Variants in CUL2 observed in about 807,000 individuals in gnomAD.
CUL2 encodes cullin 2.
In CUL2, 22 loss-of-function variants were observed where a neutral mutation model predicts 110.2. That is an observed-to-expected ratio of 0.20 (90% CI 0.14 to 0.28). The LOEUF (loss-of-function observed/expected upper bound fraction) is 0.28. Among genes scored for constraint, CUL2 ranks in the 10% least tolerant of loss-of-function variants. The probability of loss-of-function intolerance (pLI) is 1.00; values close to 1 mark genes in which losing one functional copy is unlikely to be tolerated. For synonymous variants in CUL2, 279 were observed against 293.2 expected (o/e 0.95, Z 0.49); for missense variants, 631 against 905.5 (o/e 0.70, Z 3.89).
chr10:35,088,259 C>T (rs982001737), intron 1 of CUL2, among the ~76,000 whole-genome samples: 5 of 152,020 alleles, frequency 3.3e-5, no homozygotes, highest in African/African-American at 4.8e-5. Flanking sequence ...CCTATAATCC[C>T]AGCACTCTGG....
intron 8 of CUL2, among the ~76,000 whole-genome samples, chr10:35,039,586 T>TGGACATGG (rs2085724952): frequency 6.6e-6 from 1 of 152,244 alleles, no homozygotes; most frequent in Admixed American, 6.5e-5. Context: ...AAGTAGGGGC[T>TGGACATGG]GGACATGGTG....
At chr10:35,105,299 G>C (rs1459086751) in intron 1 of CUL2, among the ~76,000 whole-genome samples, 2 of 151,840 alleles carry the variant, frequency 1.3e-5, no homozygotes, top group Non-Finnish European at 2.9e-5. Flanking sequence ...GGTGGCCGGC[G>C]CCTGTAGTCC....
intron 1 of CUL2, among the ~76,000 whole-genome samples, chr10:35,074,717 G>A (rs1276942986): frequency 6.6e-6 from 1 of 152,122 alleles, no homozygotes; most frequent in Non-Finnish European, 1.5e-5. Context: ...AACTCCTGAG[G>A]CTCAAGTGAT....
At chr10:35,055,666 G>A (rs149143059) in intron 4 of CUL2, among the ~76,000 whole-genome samples, 1 of 152,280 alleles carries the variant, frequency 6.6e-6, no homozygotes, top group African/African-American at 2.4e-5. Flanking sequence ...CAAGGCTCTA[G>A]ACTCCATGGC....
chr10:35,069,169 T>G (rs2086616486), intron 2 of CUL2, among the ~76,000 whole-genome samples: 2 of 152,094 alleles, frequency 1.3e-5, no homozygotes, highest in African/African-American at 4.8e-5. Context: ...GCCCGGCCTG[T>G]ACTCTTTAAT....
At chr10:35,060,726 T>C in intron 4 of CUL2, 148 bp downstream of exon 4, 1 of 643,034 alleles carries the variant, frequency 1.6e-6, no homozygotes. Flanking sequence ...CTATAGACCT[T>C]TCCCCACAGC....
At chr10:35,096,991 G>C (rs181447892) in intron 2 of CUL2, among the ~76,000 whole-genome samples, 2 of 151,834 alleles carry the variant, frequency 1.3e-5, no homozygotes, top group African/African-American at 4.8e-5. Flanking sequence ...TGTATTTTTC[G>C]TAGAGACGGG....
chr10:35,033,141 T>C (rs781467948), intron 11 of CUL2, 25 bp downstream of exon 11: 22 of 1,404,400 alleles, frequency 1.6e-5, no homozygotes, highest in Admixed American at 5.2e-5. Context: ...TGTACATATA[T>C]AGTATATATG....
In CUL2 at chr10:35,010,347, G is replaced by A; in HGVS notation, c.2202C>T (p.Ser734=). ...VLIDKQYIER[S]QASADEYSYV... ...AGCTGTATTCATCTGCCGACGCCTG[G>A]CTGCGTTCTATGTATTGTTTGTCTA... Residue 734 remains serine (S), a synonymous_variant, in exon 21 of 21, where the codon AGC becomes AGT. Coordinates refer to ENST00000374749, the MANE Select transcript of CUL2 (RefSeq NM_003591.4). The A allele has an allele frequency of 6.2e-7, 1 of 1,609,582 alleles. No individual in the cohort carries two copies. The highest frequency in any genetic ancestry group is 1.3e-5 in the African/African-American group (1 of 74,686).
intron 4 of CUL2, among the ~76,000 whole-genome samples, chr10:35,057,877 C>A (rs955562372): frequency 2.0e-5 from 3 of 151,418 alleles, no homozygotes; most frequent in Non-Finnish European, 4.4e-5. Flanking sequence ...GTGGATCACT[C>A]GAGGTCAGGA....
intron 1 of CUL2, among the ~76,000 whole-genome samples, chr10:35,087,590 G>T (rs562869572): frequency 1.3e-5 from 2 of 152,194 alleles, no homozygotes; most frequent in African/African-American, 4.8e-5. Context: ...ACAACAGCCT[G>T]CTTCCCCCAA....
chr10:35,066,929 C>T (rs2086543721), intron 2 of CUL2, among the ~76,000 whole-genome samples: 1 of 151,984 alleles, frequency 6.6e-6, no homozygotes, highest in South Asian at 2.1e-4. Flanking sequence ...CAGGTACTTG[C>T]CTCAATATTT....
chr10:35,010,594 T>C, intron 20 of CUL2, 152 bp from the exon 21 acceptor site: 1 of 569,042 alleles, frequency 1.8e-6, no homozygotes, highest in Non-Finnish European at 2.8e-6. Flanking sequence ...ATGTGGAAAA[T>C]GGATACAGCA....
chr10:35,017,747 G>A (rs1219951823), intron 17 of CUL2, among the ~76,000 whole-genome samples: 2 of 151,220 alleles, frequency 1.3e-5, no homozygotes, highest in East Asian at 3.9e-4. Context: ...CTAAGAGATA[G>A]AGCAAGTATT....
intron 17 of CUL2, among the ~76,000 whole-genome samples, chr10:35,018,486 G>A (rs576786617): frequency 2.6e-5 from 4 of 151,138 alleles, no homozygotes; most frequent in Non-Finnish European, 4.4e-5. Context: ...ATTTTAGGCC[G>A]GGCGCAGTGG....
At chr10:35,105,941 AG>A in intron 1 of CUL2, among the ~76,000 whole-genome samples, 1 of 152,330 alleles carries the variant, frequency 6.6e-6, no homozygotes, top group East Asian at 1.9e-4. Context: ...AGGAAGGATG[AG>A]AACAGCATAT....
chr10:35,046,929 A>AAACAG (rs1164938393), intron 6 of CUL2, among the ~76,000 whole-genome samples: 10 of 150,496 alleles, frequency 6.6e-5, no homozygotes, highest in African/African-American at 2.4e-4. Context: ...AAACAAAACA[A>AAACAG]AAACAAAAAA....
At chr10:35,102,992 T>G (rs1564753804) in intron 1 of CUL2, among the ~76,000 whole-genome samples, 1 of 152,198 alleles carries the variant, frequency 6.6e-6, no homozygotes, top group Non-Finnish European at 1.5e-5. Context: ...GCCTGTCTAT[T>G]ATGGGGAAGG....
At chr10:35,123,987 T>C (rs1264604120) in intron 1 of CUL2, among the ~76,000 whole-genome samples, 1 of 152,122 alleles carries the variant, frequency 6.6e-6, no homozygotes, top group East Asian at 1.9e-4. Context: ...CAAAGATGAG[T>C]GAAACCATGA....
Sources: allele counts gnomAD v4.1 joint callset (sites outside exome capture counted in the v4.1 genomes callset), GRCh38; gene constraint gnomAD v4.1.1; transcripts MANE v1.5; gene names NCBI Gene and HGNC (gene_info 2026-07-23, HGNC 2026-07-21).